Variants in RALYL observed in about 807,000 individuals in gnomAD.
RALYL encodes RNA-binding Raly-like protein.
In RALYL, 29 loss-of-function variants were observed where a neutral mutation model predicts 35.1. The ratio of observed to expected loss-of-function variants is 0.83; its 90% CI spans 0.61 to 1.13. The LOEUF (loss-of-function observed/expected upper bound fraction) is 1.13. RALYL is among the 50% of genes most tolerant of loss of function. The probability of loss-of-function intolerance (pLI) is 0.00; values close to 1 mark genes in which losing one functional copy is unlikely to be tolerated. For missense variants in RALYL, 359 were observed against 360.4 expected (o/e 1.00, Z 0.03); for synonymous variants, 120 against 127.6 (o/e 0.94, Z 0.40).
At chr8:84,767,611 A>C (rs1004467048) in intron 2 of RALYL, among the ~76,000 whole-genome samples, 1 of 152,174 alleles carries the variant, frequency 6.6e-6, no homozygotes, top group Admixed American at 6.5e-5. Flanking sequence ...GGGGCGTGCC[A>C]GGCATCAATT....
At chr8:84,549,702 C>G (rs1439666461) in intron 2 of RALYL, among the ~76,000 whole-genome samples, 1 of 152,184 alleles carries the variant, frequency 6.6e-6, no homozygotes, top group African/African-American at 2.4e-5. Flanking sequence ...GAGTCCTTAA[C>G]TGCAACTCCC....
At chr8:84,520,798 T>G (rs2058400079) in intron 1 of RALYL, among the ~76,000 whole-genome samples, 1 of 152,192 alleles carries the variant, frequency 6.6e-6, no homozygotes, top group African/African-American at 2.4e-5. Flanking sequence ...GGTTTCATCC[T>G]GAAACCACCT....
At chr8:84,466,784 G>T (rs2051739718) in intron 1 of RALYL, among the ~76,000 whole-genome samples, 1 of 148,376 alleles carries the variant, frequency 6.7e-6, no homozygotes, top group Admixed American at 6.8e-5. Context: ...GGACTCTTTT[G>T]GTTGGTAAGC....
chr8:84,558,707 G>A (rs1449690742), intron 2 of RALYL, among the ~76,000 whole-genome samples: 2 of 152,006 alleles, frequency 1.3e-5, no homozygotes, highest in Non-Finnish European at 2.9e-5. Flanking sequence ...CTGGTCGCTG[G>A]AGAGGAAAAG....
At chr8:84,414,865 T>A (rs141664899) in intron 1 of RALYL, among the ~76,000 whole-genome samples, 2 of 152,236 alleles carry the variant, frequency 1.3e-5, no homozygotes, top group East Asian at 3.9e-4. Context: ...GAGAGATGAA[T>A]GTTCTGCTTC....
chr8:84,522,319 G>A (rs1367302235), intron 1 of RALYL, among the ~76,000 whole-genome samples: 7 of 147,320 alleles, frequency 4.8e-5, no homozygotes, highest in East Asian at 4.1e-4. Flanking sequence ...GCGGGATCTC[G>A]GCTCACTGCA....
At chr8:84,745,976 G>A (rs1017098227) in intron 2 of RALYL, among the ~76,000 whole-genome samples, 2 of 151,870 alleles carry the variant, frequency 1.3e-5, no homozygotes, top group South Asian at 4.1e-4. Context: ...TGAGTTGCAG[G>A]GTATCTCTTG....
chr8:84,634,912 T>A (rs1824713560), intron 2 of RALYL, among the ~76,000 whole-genome samples: 1 of 151,822 alleles, frequency 6.6e-6, no homozygotes, highest in African/African-American at 2.4e-5. Context: ...ATTTATTGAG[T>A]TGAAGCCTTT....
intron 1 of RALYL, among the ~76,000 whole-genome samples, chr8:84,370,434 C>CCACACACA (rs34035078): frequency 6.7e-6 from 1 of 148,246 alleles, no homozygotes; most frequent in East Asian, 2.0e-4. Flanking sequence ...TTACATACAA[C>CCACACACA]CACACACACA....
intron 4 of RALYL, among the ~76,000 whole-genome samples, chr8:84,809,855 A>G (rs1298178534): frequency 1.3e-5 from 2 of 151,986 alleles, no homozygotes; most frequent in Non-Finnish European, 2.9e-5. Flanking sequence ...TAATGAGGTT[A>G]TTTGGATTTT....
chr8:84,493,932 CT>C (rs566346393), intron 1 of RALYL, among the ~76,000 whole-genome samples: 276 of 152,178 alleles, frequency 1.8e-3, no homozygotes, highest in Non-Finnish European at 3.3e-3. Flanking sequence ...TCTATTTTAG[CT>C]TTTGTTGCCA....
In RALYL at chr8:84,830,022, G is replaced by C. The variant is rs1001076551; in HGVS notation, c.366-19958G>C. Among the ~76,000 whole-genome samples, 25 of 141,338 alleles carry C rather than the reference G, an allele frequency of 1.8e-4. No homozygotes were observed. The East Asian group carries it at 2.3e-3, about 13-fold the overall frequency. 92.7% of individuals were successfully genotyped at this position (141,338 alleles called of 152,430 possible). Reference sequence around the variant, plus strand: ...CAGCATTTCAGCACTATACTGGGGGGGGGGGGGCATTTTAAGCTGCAAAAT... The same window carrying C: ...CAGCATTTCAGCACTATACTGGGGGCGGGGGGGCATTTTAAGCTGCAAAAT... On this transcript the variant is annotated intron_variant, in intron 4 of 8. Coordinates refer to ENST00000521268, the MANE Select transcript of RALYL (RefSeq NM_173848.7).
chr8:84,838,098 T>C (rs1832405876), intron 4 of RALYL, among the ~76,000 whole-genome samples: 1 of 152,122 alleles, frequency 6.6e-6, no homozygotes, highest in African/African-American at 2.4e-5. Context: ...CACTCTCAGT[T>C]TATGAGGGAG....
At chr8:84,202,669 GC>G (rs1817161128) in intron 1 of RALYL, among the ~76,000 whole-genome samples, 1 of 152,118 alleles carries the variant, frequency 6.6e-6, no homozygotes, top group African/African-American at 2.4e-5. Flanking sequence ...ACCGTGCCCA[GC>G]CCTGAAGGGA....
chr8:84,497,613 G>T (rs543690921), intron 1 of RALYL, among the ~76,000 whole-genome samples: 10 of 141,716 alleles, frequency 7.1e-5, no homozygotes, highest in African/African-American at 2.3e-4. Flanking sequence ...GATTTTTAAG[G>T]TTTTGTTTTT....
At chr8:84,435,466 A>G (rs2047612329) in intron 1 of RALYL, among the ~76,000 whole-genome samples, 1 of 152,164 alleles carries the variant, frequency 6.6e-6, no homozygotes, top group African/African-American at 2.4e-5. Context: ...AGTAGTTTTC[A>G]GAAATTTTAG....
At chr8:84,364,670 A>C (rs1387686945) in intron 1 of RALYL, among the ~76,000 whole-genome samples, 2 of 152,108 alleles carry the variant, frequency 1.3e-5, no homozygotes, top group Non-Finnish European at 2.9e-5. Flanking sequence ...TATGATAAAA[A>C]CTCATGATTC....
chr8:84,315,398 A>G (rs1324255043), intron 1 of RALYL, among the ~76,000 whole-genome samples: 1 of 152,190 alleles, frequency 6.6e-6, no homozygotes, highest in Admixed American at 6.5e-5. Flanking sequence ...ATTTGTATAT[A>G]AAAGAACAAA....
chr8:84,399,997 A>G (rs975760594), intron 1 of RALYL, among the ~76,000 whole-genome samples: 4 of 152,154 alleles, frequency 2.6e-5, no homozygotes, highest in Non-Finnish European at 5.9e-5. Context: ...CATGCCTGTA[A>G]CCACAGCTAC....
Sources: gnomAD v4.1 joint callset for allele counts (sites outside exome capture counted in the v4.1 genomes callset) on GRCh38, gnomAD v4.1.1 for gene constraint, MANE v1.5 for transcripts, NCBI Gene and HGNC (gene_info 2026-07-23, HGNC 2026-07-21) for gene names.